COMMD7: variants seen among roughly 807,000 people sequenced by gnomAD.
COMMD7 encodes the protein COMM domain containing 7, also known as COMM domain-containing protein 7.
A neutral mutation model predicts 34.8 loss-of-function variants in COMMD7; 28 were observed. That is an observed-to-expected ratio of 0.80 (90% confidence interval 0.60 to 1.10). The LOEUF (loss-of-function observed/expected upper bound fraction) is 1.10. Among genes scored for constraint, COMMD7 ranks in the 50% least tolerant of loss-of-function variants. COMMD7 has a pLI of 0.00. For missense variants in COMMD7, 211 were observed against 241.6 expected (o/e 0.87, Z 0.84); for synonymous variants, 80 against 86.4 (o/e 0.93, Z 0.41).
At chr20:32,734,794 G>A (rs938519725) in intron 1 of COMMD7, among the ~76,000 whole-genome samples, 11 of 151,320 alleles carry the variant, frequency 7.3e-5, no homozygotes, top group Non-Finnish European at 1.5e-4. Flanking sequence ...CAGGTGTGGT[G>A]GTAGCTGTAG....
chr20:32,732,045 C>G (rs1250104832), intron 1 of COMMD7, among the ~76,000 whole-genome samples: 1 of 152,180 alleles, frequency 6.6e-6, no homozygotes, highest in Non-Finnish European at 1.5e-5. Context: ...ATAGGATACA[C>G]TGGGGTGACC....
intron 3 of COMMD7, among the ~76,000 whole-genome samples, chr20:32,713,296 C>A (rs1051412742): frequency 6.6e-6 from 1 of 151,712 alleles, no homozygotes; most frequent in Non-Finnish European, 1.5e-5. Flanking sequence ...GTGATCCACC[C>A]GCCTCGGCTT....
At chr20:32,726,720 A>C (rs1312081612) in intron 3 of COMMD7, among the ~76,000 whole-genome samples, 2 of 152,048 alleles carry the variant, frequency 1.3e-5, no homozygotes, top group African/African-American at 4.8e-5. Flanking sequence ...AAAACAAAAC[A>C]AAAAAACCCT....
At chr20:32,734,423 G>T (rs1263376697) in intron 1 of COMMD7, among the ~76,000 whole-genome samples, 19 of 151,582 alleles carry the variant, frequency 1.3e-4, no homozygotes, top group Admixed American at 6.6e-5. Flanking sequence ...AGTGAGCCCA[G>T]ATCATGCCAC....
Position 32,706,604 on chromosome 20 carries a change from T to C in COMMD7, c.315A>G (p.Lys105=), listed in dbSNP as rs200125282. Residue 105 remains lysine, a synonymous_variant, in exon 5 of 9, where the codon AAA becomes AAG. Transcript: ENST00000278980. ...DFITLGLSEE[K]ATYFSEKWKQ... ...ATACCTTTTCAGAAAAGTAAGTGGC[T>C]TTCTCCTCACTAAGACCTATAAGAG... 10 of 1,610,764 alleles carry C rather than the reference T, an allele frequency of 6.2e-6. No individual in the cohort carries two copies. In the Admixed American group the frequency reaches 1.7e-4, roughly 27 times the overall value.
intron 3 of COMMD7, among the ~76,000 whole-genome samples, chr20:32,712,816 A>T (rs1329339937): frequency 7.1e-6 from 1 of 140,890 alleles, no homozygotes; most frequent in Admixed American, 7.6e-5. Context: ...CAGTGGTGCA[A>T]TCTTGGCTCA....
intron 1 of COMMD7, 71 bp downstream of exon 1, chr20:32,743,237 T>TGGC: frequency 1.7e-5 from 9 of 526,954 alleles, no homozygotes; most frequent in East Asian, 5.2e-5. Context: ...CCCCCGGACG[T>TGGC]CCCCCCCACC....
intron 3 of COMMD7, among the ~76,000 whole-genome samples, chr20:32,712,727 CTT>C (rs377281207): frequency 3.1e-5 from 4 of 130,204 alleles, no homozygotes; most frequent in Non-Finnish European, 4.7e-5. Flanking sequence ...GAGATGGTCC[CTT>C]TTTTTTTTTT....
At chr20:32,715,526 G>A (rs1390090736) in intron 3 of COMMD7, among the ~76,000 whole-genome samples, 2 of 149,274 alleles carry the variant, frequency 1.3e-5, no homozygotes, top group Non-Finnish European at 1.5e-5. Context: ...AAAAACAGGC[G>A]GCCAGGCGTG....
Position 32,706,695 on chromosome 20 carries a change from A to C in COMMD7, c.298+9T>G, listed in dbSNP as rs765583905. ...CAGTCACCCTGAGCAACCCTGGCCA[A>C]TGACCTACCCAGAGTTATGAAATCC... On this transcript the variant is annotated intron_variant, in intron 4 of 8. Coordinates refer to ENST00000278980, the MANE Select transcript of COMMD7 (RefSeq NM_053041.3). 8 of 1,613,782 alleles carry C rather than the reference A, an allele frequency of 5.0e-6. No homozygotes were observed. The highest frequency in any genetic ancestry group is 6.8e-6 in the Non-Finnish European group (8 of 1,179,898).
chr20:32,716,736 C>T (rs1394207338), intron 3 of COMMD7, among the ~76,000 whole-genome samples: 1 of 152,110 alleles, frequency 6.6e-6, no homozygotes, highest in Non-Finnish European at 1.5e-5. Context: ...TGAGACTAGC[C>T]CAAGCAACAA....
At chr20:32,719,930 AC>A (rs1456932732) in intron 3 of COMMD7, among the ~76,000 whole-genome samples, 1 of 152,172 alleles carries the variant, frequency 6.6e-6, no homozygotes, top group Non-Finnish European at 1.5e-5. Flanking sequence ...CCCTGGCTCA[AC>A]AAAAGCCTCA....
In COMMD7 at chr20:32,739,644, CAA is replaced by C. The variant is rs1176056154; in HGVS notation, c.84+3662_84+3663del. Among the ~76,000 whole-genome samples the C allele has an allele frequency of 4.5e-4, 25 of 55,998 alleles. No individual in the cohort carries two copies. The South Asian group carries it at 7.0e-3, about 16-fold the overall frequency. The allele number at this position is 55,998 out of a possible 152,430, so 36.7% of individuals were successfully genotyped here. ...TCGGTGACAGAGCAAGGCTCTGTATCAAAAAAAAAAAAAAAAAAAATACATAA... is the reference window on the plus strand; with the variant it reads ...TCGGTGACAGAGCAAGGCTCTGTATCAAAAAAAAAAAAAAAAAATACATAA... On this transcript the variant is annotated intron_variant, in intron 1 of 8. Transcript: ENST00000278980.
At chr20:32,732,890 C>T (rs567924186) in intron 1 of COMMD7, among the ~76,000 whole-genome samples, 29 of 151,648 alleles carry the variant, frequency 1.9e-4, no homozygotes, top group Non-Finnish European at 3.1e-4. Context: ...GAGCCGAGAT[C>T]GCGCCACTGC....
At chr20:32,721,955 G>T (rs1318189890) in intron 3 of COMMD7, among the ~76,000 whole-genome samples, 1 of 151,938 alleles carries the variant, frequency 6.6e-6, no homozygotes, top group African/African-American at 2.4e-5. Context: ...CAGCTATTTG[G>T]GAGGCTGAGG....
Position 32,743,320 on chromosome 20 carries a change from C to T in COMMD7, c.72G>A (p.Gln24=). 1.3e-6 allele frequency: 2 copies of T among 1,516,866 alleles called. No individual in the cohort carries two copies. Among genetic ancestry groups the T allele is most frequent in the African/African-American group, 1.4e-5 (1 of 70,856 alleles). 94.0% of individuals were successfully genotyped at this position (1,516,866 alleles called of 1,614,324 possible). Residue 24 remains glutamine, a synonymous_variant, in exon 1 of 9, where the codon CAG becomes CAA. Transcript: ENST00000278980. ...AVGGDMQQLN[Q]LGAQQFSALT... ...CCGCCGGGCCCACCTGCGCGCCCAG[C>T]TGGTTCAGCTGCTGCATGTCGCCGC...
chr20:32,725,956 C>A lies in COMMD7; in HGVS notation c.241+1937G>T, dbSNP rs973312857. ...TGCATGTCTGTAGTCCCAGCTACTC[C>A]GGAGGCTGATACGGGAGGATCACTT... On this transcript the variant is annotated intron_variant, in intron 3 of 8. Coordinates refer to ENST00000278980, the MANE Select transcript of COMMD7 (RefSeq NM_053041.3). 5.4e-4 allele frequency among the ~76,000 whole-genome samples: 80 copies of A among 149,516 alleles called. 2 individuals are homozygous for A. Among genetic ancestry groups the A allele is most frequent in the Non-Finnish European group, 3.0e-4 (20 of 67,688 alleles).
chr20:32,712,462 C>G (rs1346986080), intron 3 of COMMD7, among the ~76,000 whole-genome samples: 2 of 150,614 alleles, frequency 1.3e-5, no homozygotes, highest in Non-Finnish European at 3.0e-5. Context: ...GAGCCAAGAT[C>G]GCGCCACTGC....
At chr20:32,714,350 A>G (rs970588905) in intron 3 of COMMD7, among the ~76,000 whole-genome samples, 6 of 152,164 alleles carry the variant, frequency 3.9e-5, no homozygotes, top group Admixed American at 3.3e-4. Flanking sequence ...AAAATAAAAT[A>G]AAAATCAGTT....
Sources: gnomAD v4.1 joint callset for allele counts (sites outside exome capture counted in the v4.1 genomes callset) on GRCh38, gnomAD v4.1.1 for gene constraint, MANE v1.5 for transcripts, NCBI Gene and HGNC (gene_info 2026-07-23, HGNC 2026-07-21) for gene names.